Variants in NCAPH observed in about 807,000 individuals in gnomAD.
The protein encoded by NCAPH is non-SMC condensin I complex subunit H.
NCAPH carries 38 observed loss-of-function variants against 85.5 expected under a neutral mutation model. The observed-to-expected ratio is 0.44, with a 90% confidence interval of 0.34 to 0.58. The LOEUF (loss-of-function observed/expected upper bound fraction) is 0.58, where lower values mean the gene tolerates loss of function less well. Ranked by LOEUF, NCAPH falls within the 20% of genes least tolerant of loss-of-function variation. NCAPH has a pLI of 0.01. For synonymous variants in NCAPH, 301 were observed against 335.1 expected, an observed-to-expected ratio of 0.90 and a Z score of 1.11; for missense variants, 789 against 916.6, an observed-to-expected ratio of 0.86 and a Z score of 1.80.
intron 6 of NCAPH, among the ~76,000 whole-genome samples, chr2:96,349,801 G>A (rs1361413194): frequency 1.3e-5 from 2 of 152,218 alleles, no homozygotes; most frequent in South Asian, 2.1e-4. Context: ...TGTCATAGAG[G>A]ATTCAAACAT....
chr2:96,361,781 TAC>T (rs1394398603), intron 12 of NCAPH, among the ~76,000 whole-genome samples: 28 of 135,296 alleles, frequency 2.1e-4, no homozygotes, highest in African/African-American at 7.3e-4. Context: ...TATATATATA[TAC>T]ACATATATAT....
chr2:96,338,116 G>A (rs1031616071), intron 1 of NCAPH, among the ~76,000 whole-genome samples: 4 of 151,678 alleles, frequency 2.6e-5, no homozygotes, highest in African/African-American at 4.8e-5. Context: ...TAGTAGAGAC[G>A]GGATTTTGCC....
At chr2:96,369,645 C>A in intron 17 of NCAPH, 145 bp downstream of exon 17, 1 of 795,898 alleles carries the variant, frequency 1.3e-6, no homozygotes, top group South Asian at 1.6e-5. Context: ...AAATGATTAG[C>A]CAGGCATCTA....
At chr2:96,348,928 C>T (rs1292981459) in intron 6 of NCAPH, among the ~76,000 whole-genome samples, 2 of 152,050 alleles carry the variant, frequency 1.3e-5, no homozygotes, top group Non-Finnish European at 2.9e-5. Flanking sequence ...GGATTACAGA[C>T]GCGAGCCACC....
At chr2:96,366,190 A>G (rs999668671) in intron 14 of NCAPH, 132 bp downstream of exon 14, 11 of 1,048,876 alleles carry the variant, frequency 1.0e-5, no homozygotes, top group African/African-American at 6.4e-5. Flanking sequence ...CAAGTTTTAA[A>G]TAGGGTTGTG....
In NCAPH at chr2:96,364,588, A is replaced by G. The variant is rs1252761160; in HGVS notation, c.1695A>G (p.Leu565=). Residue 565 remains leucine (L), a synonymous_variant, in exon 13 of 18, where the codon TTA becomes TTG. Coordinates refer to ENST00000240423, the MANE Select transcript of NCAPH (RefSeq NM_015341.5). ...ACACCTCCAACTTTTGCCCTGGATT[A>G]CAGGTAAAGGGGGGAAAGGGGCTCT... ...PNDTSNFCPG[L]QAADSDDEDL... 1 of 1,602,668 alleles carries G rather than the reference A, an allele frequency of 6.2e-7. No individual in the cohort carries two copies. The highest frequency in any genetic ancestry group is 1.1e-5 in the South Asian group (1 of 90,770).
In NCAPH at chr2:96,346,397, G is replaced by A. The variant is rs572119086; in HGVS notation, c.720+2168G>A. Reference sequence around the variant, plus strand: ...GGCAGATGGATATAAAGTGAGGTCAGTCAGCATTATTTTGTGTCTCTGTCC... The same window carrying A: ...GGCAGATGGATATAAAGTGAGGTCAATCAGCATTATTTTGTGTCTCTGTCC... On this transcript the variant is annotated intron_variant, in intron 6 of 17. Coordinates refer to ENST00000240423, the MANE Select transcript of NCAPH (RefSeq NM_015341.5). Among the ~76,000 whole-genome samples the A allele has an allele frequency of 2.6e-5, 4 of 152,272 alleles. No homozygotes were observed. In the East Asian group the frequency reaches 7.7e-4, roughly 29 times the overall value.
intron 6 of NCAPH, among the ~76,000 whole-genome samples, chr2:96,347,494 G>C (rs1370242838): frequency 1.3e-5 from 2 of 152,104 alleles, no homozygotes; most frequent in African/African-American, 2.4e-5. Flanking sequence ...ACACCATTGA[G>C]AATACATAAA....
intron 7 of NCAPH, 32 bp from the exon 8 acceptor site, chr2:96,353,274 A>G (rs202228457): frequency 6.3e-7 from 1 of 1,588,230 alleles, no homozygotes; most frequent in East Asian, 2.2e-5. Flanking sequence ...CCCCCTTCTA[A>G]TCTCTCTTTG....
intron 9 of NCAPH, among the ~76,000 whole-genome samples, chr2:96,358,136 G>GA (rs2064548867): frequency 6.6e-6 from 1 of 152,158 alleles, no homozygotes; most frequent in Non-Finnish European, 1.5e-5. Flanking sequence ...TAGAAAGAGT[G>GA]AAAAACCAAA....
intron 9 of NCAPH, among the ~76,000 whole-genome samples, chr2:96,358,658 C>T (rs555668733): frequency 1.2e-4 from 19 of 152,220 alleles, no homozygotes; most frequent in East Asian, 3.9e-4. Flanking sequence ...TTAGTAGAGA[C>T]GGCGTTTCAC....
intron 9 of NCAPH, 28 bp downstream of exon 9, chr2:96,354,416 T>A: frequency 6.9e-7 from 1 of 1,449,392 alleles, no homozygotes; most frequent in Non-Finnish European, 9.2e-7. Flanking sequence ...CGAAAGTGTT[T>A]CTATAGGAGT....
At chr2:96,346,426 C>T (rs962926121) in intron 6 of NCAPH, among the ~76,000 whole-genome samples, 5 of 151,924 alleles carry the variant, frequency 3.3e-5, no homozygotes, top group African/African-American at 4.8e-5. Flanking sequence ...TCTGTCCAGC[C>T]GTGAATAGCT....
chr2:96,337,719 A>G (rs1184558044), intron 1 of NCAPH, among the ~76,000 whole-genome samples: 1 of 151,124 alleles, frequency 6.6e-6, no homozygotes, highest in Admixed American at 6.6e-5. Flanking sequence ...CGCCCGGCCT[A>G]TTATTTTTTA....
In NCAPH at chr2:96,343,231, C is replaced by G. The variant is rs147327251; in HGVS notation, c.522C>G (p.Ala174=). ...IYAVRVDAVH[A]DVYRVLGGLG... is the part of the protein sequence containing the mutation. ...CTGTGCGCGTGGATGCCGTCCATGC[C>G]GATGTATACAGAGTCCTTGGGGGGC... The change falls in exon 5 of 18, where the codon GCC becomes GCG. Residue 174 remains alanine, a synonymous_variant. Transcript: ENST00000240423. The G allele has an allele frequency of 6.2e-7, 1 of 1,613,952 alleles. No homozygotes were observed. The highest frequency in any genetic ancestry group is 8.5e-7 in the Non-Finnish European group (1 of 1,180,046).
At chr2:96,340,965 A>G (rs745370821) in intron 1 of NCAPH, among the ~76,000 whole-genome samples, 4 of 152,156 alleles carry the variant, frequency 2.6e-5, no homozygotes, top group Non-Finnish European at 5.9e-5. Context: ...TTTAGGTTAA[A>G]CATGTTTGGT....
intron 12 of NCAPH, among the ~76,000 whole-genome samples, chr2:96,361,777 T>TATAC (rs1553447773): frequency 3.5e-4 from 48 of 138,070 alleles, no homozygotes; most frequent in Non-Finnish European, 4.0e-4. Flanking sequence ...TACATATATA[T>TATAC]ATATACACAT....
intron 6 of NCAPH, 111 bp downstream of exon 6, chr2:96,344,340 G>A: frequency 3.2e-6 from 4 of 1,265,120 alleles, no homozygotes; most frequent in Non-Finnish European, 4.2e-6. Context: ...AGCCTCAAGG[G>A]AGTAAAATAT....
chr2:96,342,886 A>T, intron 4 of NCAPH, 38 bp downstream of exon 4: 1 of 1,535,760 alleles, frequency 6.5e-7, no homozygotes, highest in Non-Finnish European at 9.0e-7. Flanking sequence ...ATCTGAATTA[A>T]ATGATGATGA....
Sources: allele counts gnomAD v4.1 joint callset (sites outside exome capture counted in the v4.1 genomes callset), GRCh38; gene constraint gnomAD v4.1.1; transcripts MANE v1.5; gene names NCBI Gene and HGNC (gene_info 2026-07-23, HGNC 2026-07-21).